The following PCGF5 variants were observed in gnomAD, a reference collection of about 807,000 sequenced individuals.
PCGF5 encodes the protein polycomb group RING finger protein 5.
In PCGF5, 9 loss-of-function variants were observed where a neutral mutation model predicts 44.3. That is an observed-to-expected ratio of 0.20 (90% confidence interval 0.12 to 0.35). The LOEUF is 0.35. PCGF5 is among the 10% of genes least tolerant of loss of function. The probability of loss-of-function intolerance (pLI) is 1.00; values close to 1 mark genes in which losing one functional copy is unlikely to be tolerated. For missense variants in PCGF5, 146 were observed against 305.3 expected, an observed-to-expected ratio of 0.48 and a Z score of 3.89; for synonymous variants, 95 against 102.5, an observed-to-expected ratio of 0.93 and a Z score of 0.44.
chr10:91,251,299 T>G lies in PCGF5; in HGVS notation c.333T>G (p.Thr111=). 1 of 1,607,544 alleles carries G rather than the reference T, an allele frequency of 6.2e-7. No individual in the cohort carries two copies. Among genetic ancestry groups the G allele is most frequent in the Non-Finnish European group, 8.5e-7 (1 of 1,175,470 alleles). Residue 111 remains threonine, a synonymous_variant, in exon 6 of 10, where the codon ACT becomes ACG. Transcript: ENST00000336126. ...TTTGTTTAAATTATACAGATGATAC[T>G]TCAAAAGCTGACAAACCGAAAGTAG... ...NKPQENGQDD[T]SKADKPKVDE... is the part of the protein sequence containing the mutation.
At chr10:91,204,700 C>T (rs1175651311) in intron 1 of PCGF5, among the ~76,000 whole-genome samples, 1 of 152,222 alleles carries the variant, frequency 6.6e-6, no homozygotes, top group East Asian at 1.9e-4. Context: ...AAGTTCCCCA[C>T]TGCCAACTCA....
intron 5 of PCGF5, 32 bp from the exon 6 acceptor site, chr10:91,251,260 A>G (rs1361020192): frequency 1.3e-6 from 2 of 1,548,142 alleles, no homozygotes; most frequent in Admixed American, 1.8e-5. Context: ...ACTTTGATTT[A>G]TAGCTAACTT....
intron 6 of PCGF5, among the ~76,000 whole-genome samples, chr10:91,253,095 A>C (rs1048013324): frequency 6.6e-6 from 1 of 151,640 alleles, no homozygotes; most frequent in African/African-American, 2.4e-5. Flanking sequence ...CTTCTACTTG[A>C]TATATGTAAG....
intron 2 of PCGF5, among the ~76,000 whole-genome samples, chr10:91,232,955 T>C (rs1420340308): frequency 6.6e-6 from 1 of 152,186 alleles, no homozygotes; most frequent in Non-Finnish European, 1.5e-5. Context: ...CCAGTCAGCA[T>C]GGTTGCATGT....
chr10:91,201,879 A>T (rs1181638417), intron 1 of PCGF5, among the ~76,000 whole-genome samples: 1 of 152,126 alleles, frequency 6.6e-6, no homozygotes, highest in African/African-American at 2.4e-5. Context: ...TCTGTGCTTT[A>T]ATGTGGTGAT....
Position 91,213,326 on chromosome 10 carries a change from G to A in PCGF5, c.-183-9363G>A, listed in dbSNP as rs1319917964. Among the ~76,000 whole-genome samples, 5 of 152,014 alleles carry A rather than the reference G, an allele frequency of 3.3e-5. No homozygotes were observed. The East Asian group carries it at 7.7e-4, about 23-fold the overall frequency. ...CTTAAAATATACTCTACATATGTGT[G>A]GATATATCTGTATGTATTTGTATAT... On this transcript the variant is annotated intron_variant, in intron 1 of 9. Transcript: ENST00000614189.
chr10:91,237,742 T>TAAA (rs11402069), intron 2 of PCGF5, among the ~76,000 whole-genome samples: 53 of 143,932 alleles, frequency 3.7e-4, no homozygotes, highest in African/African-American at 1.3e-3. Flanking sequence ...AGAATCCATC[T>TAAA]AAAAAAAAAA....
chr10:91,237,201 A>G (rs1168640654), intron 2 of PCGF5, among the ~76,000 whole-genome samples: 2 of 152,230 alleles, frequency 1.3e-5, no homozygotes, highest in Non-Finnish European at 2.9e-5. Flanking sequence ...TGAATTAAAT[A>G]TATGTTGATT....
At chr10:91,213,415 A>G (rs921213018) in intron 1 of PCGF5, among the ~76,000 whole-genome samples, 2 of 152,182 alleles carry the variant, frequency 1.3e-5, no homozygotes, top group African/African-American at 4.8e-5. Context: ...GTCAGATATT[A>G]TAAGTATGTT....
intron 1 of PCGF5, among the ~76,000 whole-genome samples, chr10:91,163,644 T>C (rs926901364): frequency 6.6e-6 from 1 of 151,980 alleles, no homozygotes; most frequent in Non-Finnish European, 1.5e-5. Flanking sequence ...GCTGCGCGCG[T>C]CGCTTCCGTT....
chr10:91,173,987 T>G (rs1843659228), intron 1 of PCGF5, among the ~76,000 whole-genome samples: 1 of 151,944 alleles, frequency 6.6e-6, no homozygotes, highest in African/African-American at 2.4e-5. Flanking sequence ...AGCAAAGATC[T>G]TCTTGGAAAA....
At position 91,177,264 on chromosome 10, in the gene PCGF5, G is replaced by A. The variant is rs186198436; in HGVS notation, c.-184+14183G>A. Among the ~76,000 whole-genome samples the A allele has an allele frequency of 1.0e-2, 1,511 of 151,262 alleles. 17 individuals carry two copies. Among genetic ancestry groups the A allele is most frequent in the Middle Eastern group, 0.017 (5 of 294 alleles). On this transcript the variant is annotated intron_variant, in intron 1 of 9. Coordinates refer to the PCGF5 transcript ENST00000614189. ...ATGTTGCTGCCTGATCGTTCCTCTG[G>A]AAGTTTTGTCTCAGAGGGGTACCCG...
At chr10:91,229,465 T>C (rs1160029431) in intron 2 of PCGF5, among the ~76,000 whole-genome samples, 1 of 152,148 alleles carries the variant, frequency 6.6e-6, no homozygotes, top group Non-Finnish European at 1.5e-5. Context: ...ATTCCAGAGG[T>C]AAGACTGAGA....
intron 8 of PCGF5, among the ~76,000 whole-genome samples, chr10:91,270,267 C>G (rs548390734): frequency 5.3e-4 from 81 of 152,222 alleles, no homozygotes; most frequent in Non-Finnish European, 9.0e-4. Context: ...CTCTGCCAGT[C>G]CAGCACCTAA....
At chr10:91,191,808 G>A (rs971467083) in intron 1 of PCGF5, among the ~76,000 whole-genome samples, 79 of 152,312 alleles carry the variant, frequency 5.2e-4, no homozygotes, top group African/African-American at 1.5e-3. Context: ...GGTAGGCAAA[G>A]TCTCACTGTC....
intron 7 of PCGF5, among the ~76,000 whole-genome samples, chr10:91,262,512 T>A (rs901008436): frequency 6.6e-6 from 1 of 152,214 alleles, no homozygotes; most frequent in Non-Finnish European, 1.5e-5. Context: ...GCATAGTTTT[T>A]CTGGCTTATC....
intron 1 of PCGF5, among the ~76,000 whole-genome samples, chr10:91,201,831 A>G (rs934984814): frequency 1.3e-5 from 2 of 149,862 alleles, no homozygotes; most frequent in Non-Finnish European, 3.0e-5. Flanking sequence ...TCTGTTCTTG[A>G]TGACTTTTGA....
At chr10:91,237,294 A>C (rs549448314) in intron 2 of PCGF5, among the ~76,000 whole-genome samples, 6 of 152,374 alleles carry the variant, frequency 3.9e-5, no homozygotes, top group African/African-American at 1.4e-4. Flanking sequence ...AGTGTTAACT[A>C]TGATAATAAC....
rs1255178320 is a variant in PCGF5, at chr10:91,284,195, C to T, written c.*5879C>T. 6.6e-6 allele frequency: 1 copy of T among 151,760 alleles called. No homozygotes were observed. The highest frequency in any genetic ancestry group is 1.5e-5 in the Non-Finnish European group (1 of 67,884). 9.4% of individuals were successfully genotyped at this position (151,760 alleles called of 1,614,324 possible). On this transcript the variant is annotated 3_prime_UTR_variant, in exon 10 of 10. Transcript: ENST00000336126. ...AGATACTTTTTTTTTTTAATCTGGA[C>T]TTAGCCAAGTATATTTCACCATGTT...
Sources: allele counts gnomAD v4.1 joint callset (sites outside exome capture counted in the v4.1 genomes callset), GRCh38; gene constraint gnomAD v4.1.1; transcripts MANE v1.5; gene names NCBI Gene and HGNC (gene_info 2026-07-23, HGNC 2026-07-21).